Variants in TMEM232 observed in about 807,000 individuals in gnomAD.
TMEM232 encodes the protein transmembrane protein 232.
In TMEM232, 80 loss-of-function variants were observed where a neutral mutation model predicts 78.8. The ratio of observed to expected loss-of-function variants is 1.01; its 90% confidence interval spans 0.85 to 1.22. The LOEUF is 1.22. Among genes scored for constraint, TMEM232 ranks in the 50% most tolerant of loss-of-function variants. The pLI is 0.00. For missense variants in TMEM232, 881 were observed against 742.2 expected (o/e 1.19, Z -2.17); for synonymous variants, 297 against 254.3 (o/e 1.17, Z -1.60).
In TMEM232 at chr5:110,568,532, A is replaced by C; in HGVS notation, c.1370T>G (p.Leu457Arg). 6.5e-7 allele frequency: 1 copy of C among 1,549,480 alleles called. No individual in the cohort carries two copies. The highest frequency in any genetic ancestry group is 8.7e-7 in the Non-Finnish European group (1 of 1,145,734). ...ELQGDEEQDG[L>R]RNMIWQTLQK... The stretch of plus-strand genomic sequence containing the variant: ...CAATGTTTGCCATATCATGTTTCTA[A>C]GTCCATCCTGTTCTTCGTCTCCTTG... The change falls in exon 11 of 14, where the codon CTT (leucine) becomes CGT (arginine). Residue 457 changes from leucine to arginine, a missense_variant. Transcript: ENST00000455884.
intron 1 of TMEM232, among the ~76,000 whole-genome samples, chr5:110,711,365 C>T (rs1413968775): frequency 1.3e-5 from 2 of 152,022 alleles, no homozygotes; most frequent in African/African-American, 2.4e-5. Context: ...AATGCAATCC[C>T]TATCAAAATA....
rs547616166 is a variant in TMEM232 at position 110,704,166 on chromosome 5, C to T, written c.-13+22461G>A. 1.6e-4 allele frequency among the ~76,000 whole-genome samples: 24 copies of T among 152,154 alleles called. No homozygotes were observed. In the South Asian group the frequency reaches 5.0e-3, roughly 32 times the overall value. On this transcript the variant is annotated intron_variant, in intron 1 of 13. Transcript: ENST00000455884. The stretch of plus-strand genomic sequence containing the variant: ...CAATAAAGGTCTTAAGTATCATGAT[C>T]ACTAGACATAGGACTATGTTTATTG...
intron 12 of TMEM232, among the ~76,000 whole-genome samples, chr5:110,488,443 C>T (rs373806583): frequency 1.8e-4 from 27 of 151,952 alleles, no homozygotes; most frequent in African/African-American, 5.1e-4. Flanking sequence ...AGAATTCATA[C>T]GTATGGAGAA....
chr5:110,453,595 C>T (rs1760561186), intron 12 of TMEM232, among the ~76,000 whole-genome samples: 1 of 152,166 alleles, frequency 6.6e-6, no homozygotes, highest in African/African-American at 2.4e-5. Flanking sequence ...GCCACGTATA[C>T]CTTTAAAACT....
chr5:110,476,448 C>G (rs1348112806), intron 12 of TMEM232, among the ~76,000 whole-genome samples: 1 of 151,958 alleles, frequency 6.6e-6, no homozygotes, highest in African/African-American at 2.4e-5. Flanking sequence ...CTTGAACTTC[C>G]AGCATCTGGA....
chr5:110,447,686 AG>A (rs1054797254), intron 12 of TMEM232, among the ~76,000 whole-genome samples: 1 of 152,140 alleles, frequency 6.6e-6, no homozygotes, highest in Non-Finnish European at 1.5e-5. Context: ...TTTATAAAAT[AG>A]GGGCTGAAAG....
At chr5:110,450,994 T>C (rs1490939159) in intron 12 of TMEM232, among the ~76,000 whole-genome samples, 1 of 151,540 alleles carries the variant, frequency 6.6e-6, no homozygotes, top group Non-Finnish European at 1.5e-5. Context: ...CAAGGAAAGA[T>C]CCTGGGTCAC....
At chr5:110,614,040 A>C (rs1317107131) in intron 8 of TMEM232, among the ~76,000 whole-genome samples, 3 of 152,126 alleles carry the variant, frequency 2.0e-5, no homozygotes, top group African/African-American at 7.2e-5. Flanking sequence ...CTTTTCCTTA[A>C]AATAAAAAAA....
At chr5:110,625,510 A>G in intron 6 of TMEM232, 77 bp from the exon 7 acceptor site, 1 of 1,309,514 alleles carries the variant, frequency 7.6e-7, no homozygotes, top group Admixed American at 3.2e-5. Flanking sequence ...TTTAGCTATT[A>G]AACTATAATT....
At chr5:110,675,856 C>A (rs1430871107) in intron 1 of TMEM232, among the ~76,000 whole-genome samples, 1 of 152,150 alleles carries the variant, frequency 6.6e-6, no homozygotes, top group Non-Finnish European at 1.5e-5. Context: ...CCATGCTGTA[C>A]AACAGATCTC....
At chr5:110,454,297 C>T (rs1283124114) in intron 12 of TMEM232, among the ~76,000 whole-genome samples, 1 of 151,974 alleles carries the variant, frequency 6.6e-6, no homozygotes, top group African/African-American at 2.4e-5. Context: ...AAAAATCACA[C>T]CAAGTGAATT....
rs532974343 is a variant in TMEM232, at chr5:110,408,545, C to G, written n.309-10691G>C. 1.8e-4 allele frequency among the ~76,000 whole-genome samples: 28 copies of G among 151,964 alleles called. No homozygotes were observed. In the East Asian group the frequency reaches 4.9e-3, roughly 26 times the overall value. On this transcript the variant is annotated intron_variant and non_coding_transcript_variant, in intron 2 of 8. Coordinates refer to the TMEM232 transcript ENST00000507188. The stretch of plus-strand genomic sequence containing the variant: ...AGAAAGAGGTTGCAGTGAGCCGAGG[C>G]TGTGTCTGCACTCCAGCCCGGGTGA...
At chr5:110,647,409 T>C (rs1243230206) in intron 2 of TMEM232, among the ~76,000 whole-genome samples, 2 of 151,970 alleles carry the variant, frequency 1.3e-5, no homozygotes, top group Non-Finnish European at 2.9e-5. Flanking sequence ...TTTATGAATA[T>C]GGTTTATCAC....
Position 110,625,407 on chromosome 5 carries a change from G to T in TMEM232, c.628C>A (p.His210Asn). 1 of 1,533,524 alleles carries T rather than the reference G, an allele frequency of 6.5e-7. No homozygotes were observed. Among genetic ancestry groups the T allele is most frequent in the Non-Finnish European group, 8.8e-7 (1 of 1,138,100 alleles). 95.0% of individuals were successfully genotyped at this position (1,533,524 alleles called of 1,614,324 possible). The change falls in exon 7 of 14, where the codon CAC becomes AAC. Residue 210 changes from histidine to asparagine, a missense_variant. Coordinates refer to ENST00000455884, the MANE Select transcript of TMEM232 (RefSeq NM_001039763.4). Reference protein sequence around the residue: ...YALSFSGASYHKYPNIFSNVQ... With the variant: ...YALSFSGASYNKYPNIFSNVQ... The stretch of plus-strand genomic sequence containing the variant: ...TTTGAAAAGATGTTTGGATACTTGT[G>T]ATATGATGCTCCAGAGAAAGAAAGT...
intron 12 of TMEM232, among the ~76,000 whole-genome samples, chr5:110,476,064 C>G (rs948821969): frequency 1.3e-5 from 2 of 151,798 alleles, no homozygotes; most frequent in Non-Finnish European, 2.9e-5. Context: ...TGTTGGGCAA[C>G]CCATTTCAAC....
At chr5:110,679,818 C>T (rs1792491510) in intron 1 of TMEM232, among the ~76,000 whole-genome samples, 1 of 151,770 alleles carries the variant, frequency 6.6e-6, no homozygotes, top group South Asian at 2.1e-4. Flanking sequence ...ATTATATTTA[C>T]TCAAAAGCAA....
At chr5:110,589,563 G>A (rs1199052991) in intron 10 of TMEM232, among the ~76,000 whole-genome samples, 1 of 152,084 alleles carries the variant, frequency 6.6e-6, no homozygotes, top group East Asian at 1.9e-4. Context: ...TCCAAAATGA[G>A]AATGCCTTCA....
intron 6 of TMEM232, among the ~76,000 whole-genome samples, chr5:110,626,496 C>CT (rs1298686505): frequency 6.6e-6 from 1 of 151,970 alleles, no homozygotes; most frequent in Non-Finnish European, 1.5e-5. Context: ...ACCTCCATGA[C>CT]TTTTTTCATC....
intron 2 of TMEM232, among the ~76,000 whole-genome samples, chr5:110,411,874 G>A (rs1756007357): frequency 6.6e-6 from 1 of 152,110 alleles, no homozygotes; most frequent in African/African-American, 2.4e-5. Context: ...TGGATATTGT[G>A]AATAATGCTG....
Sources: gnomAD v4.1 joint callset for allele counts (sites outside exome capture counted in the v4.1 genomes callset) on GRCh38, gnomAD v4.1.1 for gene constraint, MANE v1.5 for transcripts, NCBI Gene and HGNC (gene_info 2026-07-23, HGNC 2026-07-21) for gene names.